Variants in NDST3 observed in about 807,000 individuals in gnomAD.
NDST3 encodes N-deacetylase and N-sulfotransferase 3, also known as bifunctional heparan sulfate N-deacetylase/N-sulfotransferase 3.
NDST3 carries 58 observed loss-of-function variants against 96.1 expected under a neutral mutation model. The observed-to-expected ratio is 0.60, with a 90% CI of 0.49 to 0.75. The LOEUF (loss-of-function observed/expected upper bound fraction) is 0.75, where lower values mean the gene tolerates loss of function less well. NDST3 is among the 30% of genes least tolerant of loss of function. The probability of loss-of-function intolerance (pLI) is 0.00; values close to 1 mark genes in which losing one functional copy is unlikely to be tolerated. For missense variants in NDST3, 788 were observed against 1,034.2 expected (o/e 0.76, Z 3.27); for synonymous variants, 333 against 359.7 (o/e 0.93, Z 0.84).
chr4:118,087,468 A>G (rs1217844272), intron 2 of NDST3, among the ~76,000 whole-genome samples: 1 of 152,122 alleles, frequency 6.6e-6, no homozygotes, highest in Admixed American at 6.6e-5. Flanking sequence ...TCACAGATTC[A>G]GGGAACCTGA....
chr4:118,105,748 T>A (rs1029349586), intron 3 of NDST3, among the ~76,000 whole-genome samples: 20 of 152,232 alleles, frequency 1.3e-4, no homozygotes, highest in Admixed American at 1.1e-3. Flanking sequence ...TTTTTCTGAA[T>A]AGAAATGTTC....
At chr4:118,205,910 G>A (rs1738410773) in intron 6 of NDST3, among the ~76,000 whole-genome samples, 1 of 136,716 alleles carries the variant, frequency 7.3e-6, no homozygotes, top group African/African-American at 2.7e-5. Context: ...TCGGCTCACT[G>A]CAAGCTCCGC....
At chr4:118,147,894 G>A (rs1221231717) in intron 6 of NDST3, among the ~76,000 whole-genome samples, 1 of 152,138 alleles carries the variant, frequency 6.6e-6, no homozygotes, top group African/African-American at 2.4e-5. Flanking sequence ...TCCAGGTATT[G>A]AGTCATTAAC....
intron 12 of NDST3, among the ~76,000 whole-genome samples, chr4:118,248,815 C>A (rs1290798833): frequency 6.6e-6 from 1 of 152,170 alleles, no homozygotes; most frequent in Non-Finnish European, 1.5e-5. Flanking sequence ...CATTTGGGCT[C>A]TGAAATAGTA....
At chr4:118,116,959 T>A (rs1578669283) in intron 4 of NDST3, among the ~76,000 whole-genome samples, 1 of 152,236 alleles carries the variant, frequency 6.6e-6, no homozygotes, top group Non-Finnish European at 1.5e-5. Context: ...AAAAGTATCA[T>A]GTGTAAAAGA....
chr4:118,227,737 G>C lies in NDST3; in HGVS notation c.1819+755G>C, dbSNP rs1037096925. On this transcript the variant is annotated intron_variant, in intron 8 of 13. Coordinates refer to ENST00000296499, the MANE Select transcript of NDST3 (RefSeq NM_004784.3). ...CGCCATTCTCCTGCCTCAGCCTCCC[G>C]AGTAGCTGGGGCTACAGGCGCCTGC... Among the ~76,000 whole-genome samples the C allele has an allele frequency of 2.0e-5, 3 of 149,670 alleles. No homozygotes were observed. In the South Asian group the frequency reaches 6.4e-4, roughly 32 times the overall value.
chr4:118,117,503 C>G (rs533584705), intron 4 of NDST3, among the ~76,000 whole-genome samples: 2 of 152,210 alleles, frequency 1.3e-5, no homozygotes, highest in East Asian at 3.9e-4. Flanking sequence ...TTTTACTTTC[C>G]ATTAAGCATT....
rs756569159 is a variant in NDST3 at position 118,053,984 on chromosome 4, G to A, written c.74G>A (p.Ser25Asn). Residue 25 changes from serine to asparagine, a missense_variant, in exon 2 of 14, where the codon AGC (serine) becomes AAC (asparagine). This residue lies in a region of NDST3 where 234 missense variants were observed against 256.9 expected (regional missense o/e 0.91). Coordinates refer to ENST00000296499, the MANE Select transcript of NDST3 (RefSeq NM_004784.3). ...VILLATFCMV[S>N]IIISAYYLYS... ...CTGCTTGCCACTTTTTGTATGGTGA[G>A]CATTATCATTTCTGCTTACTACCTG... 1.2e-6 allele frequency: 2 copies of A among 1,612,196 alleles called. No homozygotes were observed. The highest frequency in any genetic ancestry group is 1.7e-5 in the Admixed American group (1 of 59,800).
At chr4:118,244,691 A>G (rs1269940639) in intron 12 of NDST3, among the ~76,000 whole-genome samples, 1 of 152,000 alleles carries the variant, frequency 6.6e-6, no homozygotes, top group South Asian at 2.1e-4. Context: ...ATTATCTTCC[A>G]TATAGCAAAT....
chr4:118,075,892 T>C (rs1727487890), intron 2 of NDST3, among the ~76,000 whole-genome samples: 1 of 152,194 alleles, frequency 6.6e-6, no homozygotes, highest in African/African-American at 2.4e-5. Flanking sequence ...GTGCAGAAGC[T>C]CTTTAGTTTA....
intron 6 of NDST3, among the ~76,000 whole-genome samples, chr4:118,222,834 G>C (rs1040662735): frequency 4.0e-5 from 6 of 151,848 alleles, no homozygotes; most frequent in African/African-American, 7.2e-5. Context: ...GTAGCTCTCT[G>C]CTTTAATTGT....
chr4:118,168,478 G>A lies in NDST3; in HGVS notation c.1539+24794G>A, dbSNP rs1735705473. Reference sequence around the variant, plus strand: ...ACTAATCTCATATATATACACACAAGTGCTAGTGAGAATGTGGAGAAATTA... The same window carrying A: ...ACTAATCTCATATATATACACACAAATGCTAGTGAGAATGTGGAGAAATTA... On this transcript the variant is annotated intron_variant, in intron 6 of 13. Coordinates refer to ENST00000296499, the MANE Select transcript of NDST3 (RefSeq NM_004784.3). 5.9e-5 allele frequency among the ~76,000 whole-genome samples: 9 copies of A among 152,146 alleles called. No homozygotes were observed. In the South Asian group the frequency reaches 1.9e-3, roughly 32 times the overall value.
intron 4 of NDST3, among the ~76,000 whole-genome samples, chr4:118,132,836 G>A (rs1396537445): frequency 2.0e-5 from 3 of 152,136 alleles, no homozygotes; most frequent in Non-Finnish European, 4.4e-5. Context: ...TTGTCCTAGA[G>A]TATGTCAAGA....
chr4:118,233,067 C>T lies in NDST3; in HGVS notation c.1875C>T (p.Ser625=), dbSNP rs766358098. ...TGCATCCTTCCATCCTTAGTAACTC[C>T]CCCAGCCCAAAAACCTTTGAGGAGG... ...LVMHPSILSN[S]PSPKTFEEVQ... The change falls in exon 9 of 14, where the codon TCC becomes TCT. Residue 625 remains serine, a synonymous_variant. Transcript: ENST00000296499. The T allele has an allele frequency of 6.2e-6, 10 of 1,612,868 alleles. No homozygotes were observed. Among genetic ancestry groups the T allele is most frequent in the Admixed American group, 5.0e-5 (3 of 59,996 alleles).
intron 1 of NDST3, among the ~76,000 whole-genome samples, chr4:118,042,570 T>G (rs1724531412): frequency 1.3e-5 from 2 of 152,242 alleles, no homozygotes; most frequent in African/African-American, 4.8e-5. Context: ...CTCTTTATTT[T>G]CAAGCTCATA....
intron 2 of NDST3, among the ~76,000 whole-genome samples, chr4:118,071,427 A>G (rs1727064441): frequency 6.6e-6 from 1 of 151,986 alleles, no homozygotes; most frequent in African/African-American, 2.4e-5. Context: ...TCCACCCTCA[A>G]GTAGGTGCTG....
chr4:118,114,676 C>A, intron 3 of NDST3, 130 bp from the exon 4 acceptor site: 1 of 998,988 alleles, frequency 1.0e-6, no homozygotes, highest in Non-Finnish European at 1.5e-6. Context: ...GGTTTAAAGC[C>A]TTATACGTAA....
At chr4:118,068,988 C>G (rs10021128) in intron 2 of NDST3, among the ~76,000 whole-genome samples, 129,609 of 152,008 alleles carry the variant, frequency 0.85, 56,817 homozygotes, top group South Asian at 0.96. Flanking sequence ...CAATATAGTG[C>G]ATTTTACATG....
chr4:118,241,812 T>A (rs1447158523), intron 11 of NDST3, among the ~76,000 whole-genome samples: 1 of 152,210 alleles, frequency 6.6e-6, no homozygotes, highest in Non-Finnish European at 1.5e-5. Flanking sequence ...GCCTTTTTTG[T>A]TTTCATAGTG....
Sources: gnomAD v4.1 joint callset for allele counts (sites outside exome capture counted in the v4.1 genomes callset) on GRCh38, gnomAD v4.1.1 for gene constraint, gnomAD v4.1.1 regional missense constraint, MANE v1.5 for transcripts, NCBI Gene and HGNC (gene_info 2026-07-23, HGNC 2026-07-21) for gene names.